Variants in HIPK3 observed in about 807,000 individuals in gnomAD.
The protein encoded by HIPK3 is homeodomain interacting protein kinase 3.
In HIPK3, 47 loss-of-function variants were observed where a neutral mutation model predicts 124.2. The observed-to-expected ratio is 0.38, with a 90% CI of 0.30 to 0.48. The LOEUF (loss-of-function observed/expected upper bound fraction) is 0.48, where lower values mean the gene tolerates loss of function less well. Ranked by LOEUF, HIPK3 falls within the 20% of genes least tolerant of loss-of-function variation. The pLI is 0.98. For synonymous variants in HIPK3, 482 were observed against 515.2 expected, an observed-to-expected ratio of 0.94 and a Z score of 0.87; for missense variants, 1,286 against 1,454.3, an observed-to-expected ratio of 0.88 and a Z score of 1.88.
At chr11:33,323,909 T>G (rs2133961740) in intron 2 of HIPK3, among the ~76,000 whole-genome samples, 1 of 152,364 alleles carries the variant, frequency 6.6e-6, no homozygotes, top group South Asian at 2.1e-4. Context: ...TTTAGTTGTA[T>G]TCTCCATTCA....
chr11:33,302,886 T>C (rs1045874998), intron 2 of HIPK3, among the ~76,000 whole-genome samples: 2 of 152,178 alleles, frequency 1.3e-5, no homozygotes, highest in African/African-American at 4.8e-5. Context: ...TGACATTAGA[T>C]TGTAAGACAG....
chr11:33,342,597 G>A (rs1251358296), intron 8 of HIPK3, among the ~76,000 whole-genome samples: 1 of 149,138 alleles, frequency 6.7e-6, no homozygotes, highest in East Asian at 2.0e-4. Flanking sequence ...AGGCAGGAGT[G>A]CAATGGCACT....
At position 33,287,530 on chromosome 11, in the gene HIPK3, C is replaced by G; in HGVS notation, c.1097+19C>G. The G allele has an allele frequency of 6.3e-7, 1 of 1,583,534 alleles. No homozygotes were observed. ...ACTACAGGTAGGTAACAACTCCATACTTTTTGGTTGTTTATTAATGTGAAA... is the reference window on the plus strand; with the variant it reads ...ACTACAGGTAGGTAACAACTCCATAGTTTTTGGTTGTTTATTAATGTGAAA... On this transcript the variant is annotated intron_variant, in intron 2 of 16. Coordinates refer to ENST00000303296, the MANE Select transcript of HIPK3 (RefSeq NM_005734.5).
chr11:33,337,229 A>G (rs1262187656), intron 4 of HIPK3, 35 bp downstream of exon 4: 2 of 1,327,870 alleles, frequency 1.5e-6, no homozygotes, highest in South Asian at 1.4e-5. Flanking sequence ...TTAGAAGACT[A>G]GTTTTCTAAG....
chr11:33,320,285 G>A (rs1336720168), intron 2 of HIPK3, among the ~76,000 whole-genome samples: 2 of 152,226 alleles, frequency 1.3e-5, no homozygotes, highest in Non-Finnish European at 2.9e-5. Flanking sequence ...CTGCTAGATT[G>A]AGAATAGATG....
chr11:33,273,070 A>G (rs1300131862), intron 1 of HIPK3, among the ~76,000 whole-genome samples: 1 of 151,462 alleles, frequency 6.6e-6, no homozygotes, highest in Admixed American at 6.6e-5. Context: ...TTGGGCTCAA[A>G]TGATCCTCCT....
chr11:33,271,305 G>A (rs1361966299), intron 1 of HIPK3, among the ~76,000 whole-genome samples: 1 of 152,178 alleles, frequency 6.6e-6, no homozygotes, highest in Non-Finnish European at 1.5e-5. Context: ...TGGGTGTGGT[G>A]ACTCACGACT....
intron 3 of HIPK3, among the ~76,000 whole-genome samples, chr11:33,331,609 G>A (rs987161313): frequency 1.3e-5 from 2 of 151,944 alleles, no homozygotes; most frequent in African/African-American, 4.8e-5. Context: ...AAAGTCCTGG[G>A]CTTAAGCCAT....
At position 33,287,005 on chromosome 11, in the gene HIPK3, C is replaced by T. The variant is rs372051248; in HGVS notation, c.591C>T (p.Tyr197=). The T allele has an allele frequency of 2.5e-5, 40 of 1,614,096 alleles. No homozygotes were observed. In the African/African-American group the frequency reaches 2.7e-4, roughly 11 times the overall value. The change falls in exon 2 of 17, where the codon TAC becomes TAT. Residue 197 remains tyrosine, a synonymous_variant. Coordinates refer to ENST00000303296, the MANE Select transcript of HIPK3 (RefSeq NM_005734.5). The part of the protein sequence containing the change: ...HEVLCSMKNT[Y]EVLDFLGRGT... ...TCTTATGCTCCATGAAAAATACTTA[C>T]GAAGTCCTTGATTTTCTTGGTCGAG... is the stretch of plus-strand genomic sequence containing the variant.
chr11:33,347,570 G>T, intron 9 of HIPK3, 59 bp from the exon 10 acceptor site: 1 of 1,588,010 alleles, frequency 6.3e-7, no homozygotes. Context: ...TTTAAGATAT[G>T]GTAAAGTTCA....
At position 33,341,661 on chromosome 11, in the gene HIPK3, G is replaced by C; in HGVS notation, c.1872G>C (p.Leu624Phe). The C allele has an allele frequency of 6.2e-7, 1 of 1,613,154 alleles. No homozygotes were observed. Among genetic ancestry groups the C allele is most frequent in the Non-Finnish European group, 8.5e-7 (1 of 1,179,494 alleles). ...GTGGTGATGCTTTTCAGCAGACATT[G>C]ATTATCTGTCCCCCAGCTATTCAAG... The part of the protein sequence containing the change: ...FGCGDAFQQT[L>F]IICPPAIQGI... The change falls in exon 8 of 17, where the codon TTG becomes TTC. Residue 624 changes from leucine (L) to phenylalanine (F), a missense_variant. Physicochemically the swap from Leu to Phe is conservative, Grantham distance 22. This residue lies in a region of HIPK3 where 810 missense variants were observed against 864.9 expected (regional missense o/e 0.94). Coordinates refer to ENST00000303296, the MANE Select transcript of HIPK3 (RefSeq NM_005734.5).
intron 1 of HIPK3, among the ~76,000 whole-genome samples, chr11:33,266,596 A>G (rs1032678970): frequency 1.3e-5 from 2 of 152,090 alleles, no homozygotes; most frequent in African/African-American, 2.4e-5. Context: ...GGTCCTAGCT[A>G]TTGGAGAGGC....
upstream of HIPK3, chr11:33,256,819 C>A: frequency 2.2e-6 from 1 of 456,296 alleles, no homozygotes; most frequent in Non-Finnish European, 2.9e-6. Context: ...CAAGAGGACC[C>A]TTCCCCCGTC....
At chr11:33,262,499 C>T (rs966618406) in intron 1 of HIPK3, among the ~76,000 whole-genome samples, 1 of 152,210 alleles carries the variant, frequency 6.6e-6, no homozygotes, top group African/African-American at 2.4e-5. Flanking sequence ...ACTGTTATGC[C>T]AGGGACCTAG....
intron 3 of HIPK3, among the ~76,000 whole-genome samples, chr11:33,334,065 A>C (rs1853066564): frequency 6.6e-6 from 1 of 152,180 alleles, no homozygotes; most frequent in South Asian, 2.1e-4. Context: ...CTTTAACGAA[A>C]TGAAGCCAGT....
chr11:33,294,078 C>T (rs1021944111), intron 2 of HIPK3, among the ~76,000 whole-genome samples: 4 of 151,364 alleles, frequency 2.6e-5, no homozygotes, highest in East Asian at 1.9e-4. Flanking sequence ...CGTTTGAACC[C>T]GGGAGGCGGA....
At position 33,337,131 on chromosome 11, in the gene HIPK3, T is replaced by C; in HGVS notation, c.1278T>C (p.Gly426=). The C allele has an allele frequency of 6.3e-7, 1 of 1,591,890 alleles. No individual in the cohort carries two copies. Among genetic ancestry groups the C allele is most frequent in the Non-Finnish European group, 8.6e-7 (1 of 1,161,110 alleles). ...GLPGEQLLNV[G]TKSTRFFCKE... ...CAGGAGAACAGTTGTTAAATGTGGG[T>C]ACTAAATCCACAAGATTTTTTTGCA... The change falls in exon 4 of 17, where the codon GGT becomes GGC. Residue 426 remains glycine, a synonymous_variant. Transcript: ENST00000303296.
intron 2 of HIPK3, among the ~76,000 whole-genome samples, chr11:33,302,207 A>G (rs1400548557): frequency 6.6e-6 from 1 of 151,784 alleles, no homozygotes; most frequent in Non-Finnish European, 1.5e-5. Flanking sequence ...TTCCTTCCCA[A>G]TTTTTCCTAA....
intron 1 of HIPK3, among the ~76,000 whole-genome samples, chr11:33,263,505 G>C (rs1850879176): frequency 6.6e-6 from 1 of 151,950 alleles, no homozygotes; most frequent in South Asian, 2.1e-4. Flanking sequence ...TAGTAGAGAT[G>C]GGATGTTGCC....
Sources: gnomAD v4.1 joint callset for allele counts (sites outside exome capture counted in the v4.1 genomes callset) on GRCh38, gnomAD v4.1.1 for gene constraint, gnomAD v4.1.1 regional missense constraint, MANE v1.5 for transcripts, NCBI Gene and HGNC (gene_info 2026-07-23, HGNC 2026-07-21) for gene names.